The following TACR3 variants were observed in gnomAD, a reference collection of about 807,000 sequenced individuals.
The protein encoded by TACR3 is tachykinin receptor 3, also known as neuromedin-K receptor.
A neutral mutation model predicts 35.0 loss-of-function variants in TACR3; 34 were observed. The observed-to-expected ratio is 0.97, with a 90% confidence interval of 0.74 to 1.30. The LOEUF (loss-of-function observed/expected upper bound fraction) is 1.30. Ranked by LOEUF, TACR3 falls within the 50% of genes most tolerant of loss-of-function variation. The pLI, the probability that TACR3 is intolerant of heterozygous loss-of-function variation, is 0.00. For synonymous variants in TACR3, 233 were observed against 221.1 expected, an observed-to-expected ratio of 1.05 and a Z score of -0.48; for missense variants, 558 against 591.7, an observed-to-expected ratio of 0.94 and a Z score of 0.59.
rs902444150 is a variant in TACR3 at position 103,587,373 on chromosome 4, A to C, written c.*2309T>G. Reference sequence around the variant, plus strand: ...GCCAGTTTTTTTCTGGAAAGCATTGAAAAAATACTGTCTGGGTATTTCTGT... The same window carrying C: ...GCCAGTTTTTTTCTGGAAAGCATTGCAAAAATACTGTCTGGGTATTTCTGT... On this transcript the variant is annotated 3_prime_UTR_variant, in exon 5 of 5. Transcript: ENST00000304883. 9.2e-5 allele frequency: 14 copies of C among 152,114 alleles called. No individual in the cohort carries two copies. The highest frequency in any genetic ancestry group is 1.8e-4 in the Non-Finnish European group (12 of 67,992). The allele number at this position is 152,114 out of a possible 1,614,324, so 9.4% of individuals were successfully genotyped here.
chr4:103,604,781 A>C (rs1332630464), intron 3 of TACR3, among the ~76,000 whole-genome samples: 2 of 148,188 alleles, frequency 1.3e-5, no homozygotes, highest in East Asian at 3.9e-4. Flanking sequence ...CAAACATATG[A>C]AAGAAAGCTC....
intron 1 of TACR3, among the ~76,000 whole-genome samples, chr4:103,694,467 G>A (rs911324097): frequency 2.0e-5 from 3 of 152,096 alleles, no homozygotes; most frequent in African/African-American, 7.2e-5. Context: ...TTTGTACCCA[G>A]CACAATTCCC....
chr4:103,606,901 G>A (rs1724384830), intron 3 of TACR3, among the ~76,000 whole-genome samples: 1 of 152,156 alleles, frequency 6.6e-6, no homozygotes, highest in Admixed American at 6.5e-5. Flanking sequence ...TCTTGTGCCA[G>A]TTTTCAAAGG....
At chr4:103,678,606 G>T (rs34889460) in intron 1 of TACR3, among the ~76,000 whole-genome samples, 14,787 of 151,816 alleles carry the variant, frequency 0.097, 836 homozygotes, top group South Asian at 0.2. Flanking sequence ...CAACAAATAT[G>T]CATTGAGTGC....
At chr4:103,601,704 A>T (rs1032046668) in intron 3 of TACR3, among the ~76,000 whole-genome samples, 2 of 152,126 alleles carry the variant, frequency 1.3e-5, no homozygotes, top group Non-Finnish European at 2.9e-5. Flanking sequence ...AAAAATGTTG[A>T]ATATTGGTCT....
At chr4:103,596,419 C>A (rs1418735661) in intron 3 of TACR3, among the ~76,000 whole-genome samples, 1 of 151,744 alleles carries the variant, frequency 6.6e-6, no homozygotes, top group Non-Finnish European at 1.5e-5. Context: ...CCTGTTGTTT[C>A]CTGACTTTTT....
chr4:103,710,887 T>C (rs1002636669), intron 1 of TACR3, among the ~76,000 whole-genome samples: 14 of 151,900 alleles, frequency 9.2e-5, no homozygotes, highest in African/African-American at 3.4e-4. Flanking sequence ...AACTAGAAAA[T>C]CTAGAAGAAA....
chr4:103,711,027 G>A (rs1722942814), intron 1 of TACR3, among the ~76,000 whole-genome samples: 1 of 151,994 alleles, frequency 6.6e-6, no homozygotes, highest in East Asian at 1.9e-4. Context: ...AAAAGTCCAG[G>A]GCCAGATGGA....
chr4:103,606,587 A>G (rs555501225), intron 3 of TACR3, among the ~76,000 whole-genome samples: 1 of 152,272 alleles, frequency 6.6e-6, no homozygotes, highest in South Asian at 2.1e-4. Context: ...CTTTGAAGCA[A>G]TTGTGAATGG....
chr4:103,613,087 G>A (rs1404238909), intron 3 of TACR3, among the ~76,000 whole-genome samples: 1 of 152,034 alleles, frequency 6.6e-6, no homozygotes, highest in African/African-American at 2.4e-5. Context: ...GGATAGTTTT[G>A]TAATGTGCAA....
chr4:103,704,461 G>T (rs1722740723), intron 1 of TACR3, among the ~76,000 whole-genome samples: 1 of 152,320 alleles, frequency 6.6e-6, no homozygotes, highest in South Asian at 2.1e-4. Context: ...TAGACTCACA[G>T]TTCTGCATGG....
At chr4:103,685,200 A>G (rs999540401) in intron 1 of TACR3, among the ~76,000 whole-genome samples, 1 of 152,028 alleles carries the variant, frequency 6.6e-6, no homozygotes, top group Non-Finnish European at 1.5e-5. Flanking sequence ...GAGTCTAGAA[A>G]CAGATGTACA....
intron 1 of TACR3, among the ~76,000 whole-genome samples, chr4:103,686,582 G>C (rs1438155995): frequency 6.6e-6 from 1 of 152,120 alleles, no homozygotes; most frequent in Non-Finnish European, 1.5e-5. Flanking sequence ...ATTCATAGTT[G>C]TTACATTCAA....
chr4:103,600,853 A>C (rs28886905), intron 3 of TACR3, among the ~76,000 whole-genome samples: 19,349 of 152,014 alleles, frequency 0.13, 1,985 homozygotes, highest in East Asian at 0.5. Flanking sequence ...GTTCTTTTAC[A>C]TTTGCTGAGG....
chr4:103,613,076 C>T (rs528779605), intron 3 of TACR3, among the ~76,000 whole-genome samples: 27 of 152,036 alleles, frequency 1.8e-4, no homozygotes, highest in Admixed American at 4.6e-4. Context: ...TAATAATATA[C>T]GGATAGTTTT....
chr4:103,668,863 A>G (rs1440108032), intron 1 of TACR3, among the ~76,000 whole-genome samples: 1 of 151,410 alleles, frequency 6.6e-6, no homozygotes, highest in Non-Finnish European at 1.5e-5. Context: ...AAAAAAAAAA[A>G]GTCGTATGTA....
chr4:103,671,668 A>G (rs536341171), intron 1 of TACR3, among the ~76,000 whole-genome samples: 1 of 151,880 alleles, frequency 6.6e-6, no homozygotes, highest in South Asian at 2.1e-4. Context: ...ATTTATTTAT[A>G]TTTTCTCTCC....
chr4:103,631,059 C>G (rs1218172114), intron 3 of TACR3, among the ~76,000 whole-genome samples: 1 of 152,224 alleles, frequency 6.6e-6, no homozygotes, highest in African/African-American at 2.4e-5. Flanking sequence ...CCATCATTCT[C>G]AGCAAACTAT....
At chr4:103,685,746 C>G (rs781620277) in intron 1 of TACR3, among the ~76,000 whole-genome samples, 1 of 152,076 alleles carries the variant, frequency 6.6e-6, no homozygotes, top group African/African-American at 2.4e-5. Context: ...TCAAAATTAA[C>G]TATTGAAAGT....
Sources: gnomAD v4.1 joint callset for allele counts (sites outside exome capture counted in the v4.1 genomes callset) on GRCh38, gnomAD v4.1.1 for gene constraint, MANE v1.5 for transcripts, NCBI Gene and HGNC (gene_info 2026-07-23, HGNC 2026-07-21) for gene names.